Variants in SDHAF3 observed in about 807,000 individuals in gnomAD.
SDHAF3 encodes the protein succinate dehydrogenase assembly factor 3, mitochondrial.
Under a neutral mutation model 11.5 loss-of-function variants are expected in SDHAF3, and 18 were observed. The observed-to-expected ratio is 1.56, with a 90% CI of 1.08 to 2.32. The LOEUF is 2.32. Among genes scored for constraint, SDHAF3 ranks in the 30% most tolerant of loss-of-function variants. The probability of loss-of-function intolerance (pLI) is 0.00; values close to 1 mark genes in which losing one functional copy is unlikely to be tolerated. For synonymous variants in SDHAF3, 72 were observed against 59.3 expected (o/e 1.21, Z -0.99); for missense variants, 200 against 154.4 (o/e 1.30, Z -1.57).
chr7:97,173,340 A>G (rs1277072978), intron 1 of SDHAF3, among the ~76,000 whole-genome samples: 1 of 152,214 alleles, frequency 6.6e-6, no homozygotes, highest in African/African-American at 2.4e-5. Context: ...ACCATATAAA[A>G]TGTAGAGAAA....
chr7:97,133,192 G>A (rs1476702189), intron 1 of SDHAF3, among the ~76,000 whole-genome samples: 1 of 152,108 alleles, frequency 6.6e-6, no homozygotes, highest in Non-Finnish European at 1.5e-5. Flanking sequence ...AAATACATTA[G>A]TATGTCTGCA....
intron 1 of SDHAF3, among the ~76,000 whole-genome samples, chr7:97,153,721 A>T (rs1339339433): frequency 6.6e-6 from 1 of 152,148 alleles, no homozygotes; most frequent in Non-Finnish European, 1.5e-5. Flanking sequence ...TGACCATTTT[A>T]TATTTCCACC....
chr7:97,168,889 A>G (rs1420336709), intron 1 of SDHAF3, among the ~76,000 whole-genome samples: 1 of 152,108 alleles, frequency 6.6e-6, no homozygotes, highest in African/African-American at 2.4e-5. Flanking sequence ...TATTTGTTTG[A>G]TATTTTAGTT....
At chr7:97,121,653 T>G (rs1202797769) in intron 1 of SDHAF3, among the ~76,000 whole-genome samples, 1 of 152,158 alleles carries the variant, frequency 6.6e-6, no homozygotes, top group African/African-American at 2.4e-5. Flanking sequence ...GATAGACAAT[T>G]GTAATATAGT....
chr7:97,168,060 C>T (rs1345433075), intron 1 of SDHAF3, among the ~76,000 whole-genome samples: 3 of 152,152 alleles, frequency 2.0e-5, no homozygotes, highest in Non-Finnish European at 4.4e-5. Flanking sequence ...AGCCTGGTCT[C>T]TTCAGCTTAT....
At chr7:97,144,701 T>G (rs1228234936) in intron 1 of SDHAF3, among the ~76,000 whole-genome samples, 1 of 152,190 alleles carries the variant, frequency 6.6e-6, no homozygotes, top group Non-Finnish European at 1.5e-5. Context: ...TATCATGCTG[T>G]TTTGGTGACT....
chr7:97,145,780 T>C (rs1240562543), intron 1 of SDHAF3, among the ~76,000 whole-genome samples: 12 of 152,202 alleles, frequency 7.9e-5, no homozygotes, highest in Admixed American at 7.2e-4. Flanking sequence ...GAAGAAATTA[T>C]TTCATTCAAT....
intron 1 of SDHAF3, chr7:97,135,508 A>G (rs193177231): frequency 2.4e-3 from 375 of 154,444 alleles, no homozygotes; most frequent in African/African-American, 8.6e-3. Context: ...AAGAAGGGAA[A>G]GTAGATCTTA....
At chr7:97,123,196 C>A (rs1481645639) in intron 1 of SDHAF3, among the ~76,000 whole-genome samples, 1 of 151,990 alleles carries the variant, frequency 6.6e-6, no homozygotes, top group Admixed American at 6.5e-5. Flanking sequence ...CTCCCTGTGT[C>A]CATGTGTTCT....
chr7:97,118,715 A>G (rs1413814211), intron 1 of SDHAF3, among the ~76,000 whole-genome samples: 2 of 152,314 alleles, frequency 1.3e-5, no homozygotes, highest in African/African-American at 4.8e-5. Flanking sequence ...GTTGGAGCTG[A>G]TATGAAAATA....
chr7:97,155,266 A>C (rs1789284965), intron 1 of SDHAF3, among the ~76,000 whole-genome samples: 1 of 152,212 alleles, frequency 6.6e-6, no homozygotes, highest in African/African-American at 2.4e-5. Context: ...TTAAAATGAA[A>C]TCAAATCAAG....
chr7:97,174,143 T>C (rs111380014), intron 1 of SDHAF3, among the ~76,000 whole-genome samples: 16,299 of 152,064 alleles, frequency 0.11, 872 homozygotes, highest in Middle Eastern at 0.16. Flanking sequence ...GGTCTCGAAC[T>C]CCTGACCTCA....
In SDHAF3 at chr7:97,134,417, T is replaced by C. The variant is rs562999153; in HGVS notation, c.174+16520T>C. ...TGCTGTGACTATCATTAAATGCTTTTATAAGACTAAGAGAAAGATGCACAG... is the reference window on the plus strand; with the variant it reads ...TGCTGTGACTATCATTAAATGCTTTCATAAGACTAAGAGAAAGATGCACAG... On this transcript the variant is annotated intron_variant, in intron 1 of 1. Coordinates refer to ENST00000432641, the MANE Select transcript of SDHAF3 (RefSeq NM_020186.3). 2.6e-5 allele frequency among the ~76,000 whole-genome samples: 4 copies of C among 152,344 alleles called. No homozygotes were observed. The South Asian group carries it at 8.3e-4, about 32-fold the overall frequency.
chr7:97,156,780 ATTTCT>A (rs1414849402), intron 1 of SDHAF3, among the ~76,000 whole-genome samples: 2 of 146,622 alleles, frequency 1.4e-5, no homozygotes, highest in Admixed American at 1.3e-4. Context: ...AATAAAAAAA[ATTTCT>A]TTTTTAATGT....
chr7:97,122,089 C>T (rs1040610585), intron 1 of SDHAF3, among the ~76,000 whole-genome samples: 1 of 152,118 alleles, frequency 6.6e-6, no homozygotes, highest in African/African-American at 2.4e-5. Context: ...GATCTCCCGA[C>T]CTTATGATCC....
At chr7:97,136,298 T>A (rs1791768136) in intron 1 of SDHAF3, 1 of 495,070 alleles carries the variant, frequency 2.0e-6, no homozygotes, top group South Asian at 3.7e-5. Flanking sequence ...AGAGTTCTTT[T>A]GTGAATCCTT....
rs1324833560 is a variant in SDHAF3 at position 97,181,754 on chromosome 7, C to A, written c.*539C>A. On this transcript the variant is annotated 3_prime_UTR_variant, in exon 2 of 2. Coordinates refer to ENST00000432641, the MANE Select transcript of SDHAF3 (RefSeq NM_020186.3). ...TCAATCATTTGTATAATAAACTATA[C>A]AAAGTATAATACGTTTCCTCCAGTG... The A allele has an allele frequency of 6.5e-6, 1 of 152,866 alleles. No individual in the cohort carries two copies. Among genetic ancestry groups the A allele is most frequent in the Non-Finnish European group, 1.5e-5 (1 of 68,582 alleles). The allele number at this position is 152,866 out of a possible 1,614,324, so 9.5% of individuals were successfully genotyped here. A position where few individuals can be genotyped will look rare whatever the true frequency, so the allele number is the denominator to read the frequency against.
At chr7:97,119,855 T>C (rs1229017442) in intron 1 of SDHAF3, among the ~76,000 whole-genome samples, 1 of 152,206 alleles carries the variant, frequency 6.6e-6, no homozygotes, top group African/African-American at 2.4e-5. Context: ...ATTGATGTTA[T>C]GCATTTCATA....
At chr7:97,151,747 C>T (rs1341730569) in intron 1 of SDHAF3, among the ~76,000 whole-genome samples, 1 of 152,094 alleles carries the variant, frequency 6.6e-6, no homozygotes, top group Non-Finnish European at 1.5e-5. Context: ...GATCTGCCTG[C>T]CTCGGCCTCC....
Sources: gnomAD v4.1 joint callset for allele counts (sites outside exome capture counted in the v4.1 genomes callset) on GRCh38, gnomAD v4.1.1 for gene constraint, MANE v1.5 for transcripts, NCBI Gene and HGNC (gene_info 2026-07-23, HGNC 2026-07-21) for gene names.